EGFL8: variants seen among roughly 807,000 people sequenced by gnomAD.
EGFL8 encodes EGF like domain multiple 8, also known as epidermal growth factor-like protein 8.
EGFL8 carries 32 observed loss-of-function variants against 39.4 expected under a neutral mutation model. That is an observed-to-expected ratio of 0.81 (90% CI 0.61 to 1.09). EGFL8 has a LOEUF of 1.09. Ranked by LOEUF, EGFL8 falls within the 50% of genes least tolerant of loss-of-function variation. The probability of loss-of-function intolerance (pLI) is 0.00; values close to 1 mark genes in which losing one functional copy is unlikely to be tolerated. For missense variants in EGFL8, 385 were observed against 402.2 expected (o/e 0.96, Z 0.37); for synonymous variants, 177 against 168.5 (o/e 1.05, Z -0.39).
rs772497702 is a variant in EGFL8 at position 32,166,678 on chromosome 6, C to T, written c.225-23C>T. ...CCAACTAGGACCCGTACTCAGGGTC[C>T]TGAGCCGGGCGCTGTGTTCCAGGAC... is the stretch of plus-strand genomic sequence containing the variant. On this transcript the variant is annotated intron_variant, in intron 3 of 8. Coordinates refer to ENST00000333845, the MANE Select transcript of EGFL8 (RefSeq NM_030652.4). The surrounding 1 kb of genome is among the most constrained non-coding windows in gnomAD (Gnocchi z 7.3). 5 of 1,613,486 alleles carry T rather than the reference C, an allele frequency of 3.1e-6. No homozygotes were observed. The highest frequency in any genetic ancestry group is 4.2e-6 in the Non-Finnish European group (5 of 1,179,662).
In EGFL8 at chr6:32,167,253, G is replaced by A. The variant is rs1454320084; in HGVS notation, c.597G>A (p.Val199=). The A allele has an allele frequency of 6.2e-7, 1 of 1,611,956 alleles. No individual in the cohort carries two copies. The highest frequency in any genetic ancestry group is 1.7e-5 in the Admixed American group (1 of 59,982). The change falls in exon 6 of 9, where the codon GTG becomes GTA. Residue 199 remains valine, a synonymous_variant. Transcript: ENST00000333845. The surrounding 1 kb of genome is among the most constrained non-coding windows in gnomAD (Gnocchi z 6.4). ...CAACCAGTGCCAGCATACTCAGCGT[G>A]GCCGGTGAGTGGGCAGGAGTACGGG... The part of the protein sequence containing the change: ...EPPTSASILS[V]AVREAEKDER...
rs1353369366 is a variant in EGFL8 at position 32,167,056 on chromosome 6, C to G, written c.431-31C>G. The G allele has an allele frequency of 1.9e-6, 3 of 1,612,948 alleles. No homozygotes were observed. The highest frequency in any genetic ancestry group is 2.5e-6 in the Non-Finnish European group (3 of 1,180,022). Reference sequence around the variant, plus strand: ...ACCCAGGTGCTTGCCCCCGCCCCCTCTCTCAGCCCCTTCCTTTTTTCGGTA... The same window carrying G: ...ACCCAGGTGCTTGCCCCCGCCCCCTGTCTCAGCCCCTTCCTTTTTTCGGTA... On this transcript the variant is annotated intron_variant, in intron 5 of 8. Transcript: ENST00000333845. The surrounding 1 kb of genome is among the most constrained non-coding windows in gnomAD (Gnocchi z 6.4).
rs113746080 is a variant in EGFL8, at chr6:32,167,312, C to T, written c.602-38C>T. 6 of 1,612,736 alleles carry T rather than the reference C, an allele frequency of 3.7e-6. No individual in the cohort carries two copies. The highest frequency in any genetic ancestry group is 1.7e-5 in the Admixed American group (1 of 60,014). On this transcript the variant is annotated intron_variant, in intron 6 of 8. Transcript: ENST00000333845. The surrounding 1 kb of genome is among the most constrained non-coding windows in gnomAD (Gnocchi z 6.4). ...GGGACTCGGGACGGGCGTCCGGGCTCGGGTAGTGGTCACACTCTTGGTCTC... is the reference window on the plus strand; with the variant it reads ...GGGACTCGGGACGGGCGTCCGGGCTTGGGTAGTGGTCACACTCTTGGTCTC...
Position 32,166,357 on chromosome 6 carries a change from A to G in EGFL8, c.101+91A>G. ...TTCACAGGAGGCAAAACATAACTGTAAGTTTAGAATGGGGGTGAGAGGCTG... is the reference window on the plus strand; with the variant it reads ...TTCACAGGAGGCAAAACATAACTGTGAGTTTAGAATGGGGGTGAGAGGCTG... On this transcript the variant is annotated intron_variant, in intron 2 of 8. Transcript: ENST00000333845. This position sits in a 1 kb window ranked among gnomAD's most constrained non-coding sequence, Gnocchi z 7.3. 6.3e-6 allele frequency: 10 copies of G among 1,590,936 alleles called. No individual in the cohort carries two copies. The highest frequency in any genetic ancestry group is 8.6e-6 in the Non-Finnish European group (10 of 1,161,486).
In EGFL8 at chr6:32,164,770, G is replaced by A. The variant is rs1029046496; in HGVS notation, c.-29+113G>A. 2.4e-5 allele frequency: 16 copies of A among 657,256 alleles called. No individual in the cohort carries two copies. Among genetic ancestry groups the A allele is most frequent in the Non-Finnish European group, 4.2e-5 (15 of 353,322 alleles). 40.7% of individuals were successfully genotyped at this position (657,256 alleles called of 1,614,324 possible). A position where few individuals can be genotyped will look rare whatever the true frequency, so the allele number is the denominator to read the frequency against. ...ATGAGTTGCGGGGTGTTTTGTTGGA[G>A]CAAGGGATGTGCATTTAGGGCGTTA... On this transcript the variant is annotated intron_variant, in intron 1 of 8. Coordinates refer to ENST00000333845, the MANE Select transcript of EGFL8 (RefSeq NM_030652.4). This position sits in a 1 kb window ranked among gnomAD's most constrained non-coding sequence, Gnocchi z 5.4.
rs1424653013 is a variant in EGFL8 at position 32,164,646 on chromosome 6, G to T, written c.-40G>T. The T allele has an allele frequency of 2.8e-6, 2 of 718,652 alleles. No individual in the cohort carries two copies. Among genetic ancestry groups the T allele is most frequent in the African/African-American group, 3.5e-5 (2 of 57,430 alleles). The allele number at this position is 718,652 out of a possible 1,614,324, so 44.5% of individuals were successfully genotyped here. A position where few individuals can be genotyped will look rare whatever the true frequency, so the allele number is the denominator to read the frequency against. ...CTGGTCTGCTTGAAGCCTCCCAGGA[G>T]AAAGAAGCCAGGTGGGAATGGAGAG... On this transcript the variant is annotated 5_prime_UTR_variant, in exon 1 of 9. Transcript: ENST00000333845. The surrounding 1 kb of genome is among the most constrained non-coding windows in gnomAD (Gnocchi z 5.4).
Position 32,166,432 on chromosome 6 carries a change from G to A in EGFL8, c.102-66G>A, listed in dbSNP as rs1784487461. The stretch of plus-strand genomic sequence containing the variant: ...CTCAGTAGCCTCTTGAGGGAAGTGG[G>A]ACTCCTGGCTCCCCAGGGCCTGGCC... On this transcript the variant is annotated intron_variant, in intron 2 of 8. Transcript: ENST00000333845. The surrounding 1 kb of genome is among the most constrained non-coding windows in gnomAD (Gnocchi z 7.3). 1 of 1,611,068 alleles carries A rather than the reference G, an allele frequency of 6.2e-7. No individual in the cohort carries two copies.
Position 32,166,856 on chromosome 6 carries a change from G to A in EGFL8, c.334+46G>A, listed in dbSNP as rs368801471. ...CCTTGCGGGAGGCGCGCCCCACGGA[G>A]CTGGGGAGCTGGGTCGTCGGTTTGA... On this transcript the variant is annotated intron_variant, in intron 4 of 8. Transcript: ENST00000333845. The surrounding 1 kb of genome is among the most constrained non-coding windows in gnomAD (Gnocchi z 7.3). The A allele has an allele frequency of 6.3e-7, 1 of 1,583,812 alleles. No homozygotes were observed. The highest frequency in any genetic ancestry group is 8.6e-7 in the Non-Finnish European group (1 of 1,162,654).
Position 32,167,089 on chromosome 6 carries a change from G to T in EGFL8, c.433G>T (p.Val145Leu). Residue 145 changes from valine (V) to leucine (L), a missense_variant and splice_region_variant, in exon 6 of 9, where the codon GTG (valine) becomes TTG (leucine). By Grantham distance (32) the Val-to-Leu change is conservative. Coordinates refer to ENST00000333845, the MANE Select transcript of EGFL8 (RefSeq NM_030652.4). The surrounding 1 kb of genome is among the most constrained non-coding windows in gnomAD (Gnocchi z 6.4). The part of the protein sequence containing the change: ...GWGGKHCHVD[V>L]DECRTSITLC... ...CCCTTCCTTTTTTCGGTAACTAGAC[G>T]TGGATGAATGTAGGACCAGCATCAC... 1 of 1,613,050 alleles carries T rather than the reference G, an allele frequency of 6.2e-7. No homozygotes were observed. The highest frequency in any genetic ancestry group is 8.5e-7 in the Non-Finnish European group (1 of 1,180,026).
Position 32,167,352 on chromosome 6 carries a change from C to CG in EGFL8, c.607dup (p.Glu203GlyfsTer6). Reference sequence around the variant, plus strand: ...CTCTTGGTCTCCTTTGTCCCTAGTTCGGGAGGCGGAAAAAGATGAGCGCGC... The same window carrying CG: ...CTCTTGGTCTCCTTTGTCCCTAGTTCGGGGAGGCGGAAAAAGATGAGCGCGC... On this transcript the variant is annotated frameshift_variant, in exon 7 of 9. Coordinates refer to ENST00000333845, the MANE Select transcript of EGFL8 (RefSeq NM_030652.4). LOFTEE classifies it high-confidence loss of function. The surrounding 1 kb of genome is among the most constrained non-coding windows in gnomAD (Gnocchi z 6.4). 1 of 1,613,032 alleles carries CG rather than the reference C, an allele frequency of 6.2e-7. No individual in the cohort carries two copies. Among genetic ancestry groups the CG allele is most frequent in the East Asian group, 2.2e-5 (1 of 44,878 alleles).
chr6:32,167,489 C>G lies in EGFL8; in HGVS notation c.682-14C>G, dbSNP rs765021066. On this transcript the variant is annotated splice_polypyrimidine_tract_variant and intron_variant, in intron 7 of 8. Transcript: ENST00000333845. This position sits in a 1 kb window ranked among gnomAD's most constrained non-coding sequence, Gnocchi z 6.4. Reference sequence around the variant, plus strand: ...CGTCACTGTCAATACCCTGAGGCATCTCTTCCTTTCTAGTGGGCCGGTCAG... The same window carrying G: ...CGTCACTGTCAATACCCTGAGGCATGTCTTCCTTTCTAGTGGGCCGGTCAG... The G allele has an allele frequency of 1.2e-5, 20 of 1,609,226 alleles. No individual in the cohort carries two copies. Among genetic ancestry groups the G allele is most frequent in the Non-Finnish European group, 1.7e-5 (20 of 1,179,492 alleles).
In EGFL8 at chr6:32,167,846, A is replaced by T. The variant is rs1784682558; in HGVS notation, c.836-64A>T. ...CAACAGTTTCACTTATTGTTTGGTG[A>T]GAGTGGCAGTGTAGTCCACTCCAGG... On this transcript the variant is annotated intron_variant, in intron 8 of 8. Transcript: ENST00000333845. The surrounding 1 kb of genome is among the most constrained non-coding windows in gnomAD (Gnocchi z 6.4). The T allele has an allele frequency of 6.4e-7, 1 of 1,563,540 alleles. No individual in the cohort carries two copies. The highest frequency in any genetic ancestry group is 1.4e-5 in the African/African-American group (1 of 73,640).
rs752582396 is a variant in EGFL8, at chr6:32,167,491, C to A, written c.682-12C>A. 1 of 1,609,380 alleles carries A rather than the reference C, an allele frequency of 6.2e-7. No individual in the cohort carries two copies. Among genetic ancestry groups the A allele is most frequent in the Non-Finnish European group, 8.5e-7 (1 of 1,179,510 alleles). ...TCACTGTCAATACCCTGAGGCATCT[C>A]TTCCTTTCTAGTGGGCCGGTCAGGC... On this transcript the variant is annotated splice_polypyrimidine_tract_variant and intron_variant, in intron 7 of 8. Coordinates refer to ENST00000333845, the MANE Select transcript of EGFL8 (RefSeq NM_030652.4). This position sits in a 1 kb window ranked among gnomAD's most constrained non-coding sequence, Gnocchi z 6.4.
At position 32,164,753 on chromosome 6, in the gene EGFL8, C is replaced by T. The variant is rs1419033315; in HGVS notation, c.-29+96C>T. ...AGAGCCTTAGGGTGGGCATGAGTTG[C>T]GGGGTGTTTTGTTGGAGCAAGGGAT... On this transcript the variant is annotated intron_variant, in intron 1 of 8. Coordinates refer to ENST00000333845, the MANE Select transcript of EGFL8 (RefSeq NM_030652.4). The surrounding 1 kb of genome is among the most constrained non-coding windows in gnomAD (Gnocchi z 5.4). The T allele has an allele frequency of 6.0e-6, 4 of 671,068 alleles. No homozygotes were observed. The highest frequency in any genetic ancestry group is 2.7e-5 in the East Asian group (1 of 36,388). The allele number at this position is 671,068 out of a possible 1,614,324, so 41.6% of individuals were successfully genotyped here. A position where few individuals can be genotyped will look rare whatever the true frequency, so the allele number is the denominator to read the frequency against.
Position 32,166,609 on chromosome 6 carries a change from C to T in EGFL8, c.213C>T (p.Cys71=). The change falls in exon 3 of 9, where the codon TGC becomes TGT. Residue 71 remains cysteine, a synonymous_variant. Transcript: ENST00000333845. The surrounding 1 kb of genome is among the most constrained non-coding windows in gnomAD (Gnocchi z 7.3). ...CCTTGTGCGCTGGGAGGCGCATCTG[C>T]AGCACTTACAGGTGAGGGATGGGGA... ...YLTLCAGRRI[C]STYRTMYRVM... is the part of the protein sequence containing the mutation. 6.2e-7 allele frequency: 1 copy of T among 1,614,206 alleles called. No individual in the cohort carries two copies. Among genetic ancestry groups the T allele is most frequent in the Non-Finnish European group, 8.5e-7 (1 of 1,180,028 alleles).
rs1260515062 is a variant in EGFL8, at chr6:32,164,896, G to GT, written c.-29+247dup. ...ACGGTGTGAAGGTATATAGCTAGGG[G>GT]TTTTTTTTGTTTGTTTGTTTTGTTT... On this transcript the variant is annotated intron_variant, in intron 1 of 8. Transcript: ENST00000333845. This position sits in a 1 kb window ranked among gnomAD's most constrained non-coding sequence, Gnocchi z 5.4. Among the ~76,000 whole-genome samples, 1 of 151,388 alleles carries GT rather than the reference G, an allele frequency of 6.6e-6. No homozygotes were observed. Among genetic ancestry groups the GT allele is most frequent in the African/African-American group, 2.4e-5 (1 of 41,178 alleles).
Position 32,167,865 on chromosome 6 carries a change from C to T in EGFL8, c.836-45C>T. On this transcript the variant is annotated intron_variant, in intron 8 of 8. Coordinates refer to ENST00000333845, the MANE Select transcript of EGFL8 (RefSeq NM_030652.4). The surrounding 1 kb of genome is among the most constrained non-coding windows in gnomAD (Gnocchi z 6.4). ...TTGGTGAGAGTGGCAGTGTAGTCCACTCCAGGCTGACCACAGCCACTGTGT... is the reference window on the plus strand; with the variant it reads ...TTGGTGAGAGTGGCAGTGTAGTCCATTCCAGGCTGACCACAGCCACTGTGT... 1 of 1,604,932 alleles carries T rather than the reference C, an allele frequency of 6.2e-7. No individual in the cohort carries two copies. Among genetic ancestry groups the T allele is most frequent in the Non-Finnish European group, 8.5e-7 (1 of 1,171,768 alleles).
chr6:32,166,621 G>A lies in EGFL8; in HGVS notation c.224+1G>A. 7 of 1,614,198 alleles carry A rather than the reference G, an allele frequency of 4.3e-6. No individual in the cohort carries two copies. The highest frequency in any genetic ancestry group is 5.9e-6 in the Non-Finnish European group (7 of 1,180,032). ...GGAGGCGCATCTGCAGCACTTACAG[G>A]TGAGGGATGGGGAGATGGGACCCCA... is the stretch of plus-strand genomic sequence containing the variant. On this transcript the variant is annotated splice_donor_variant, in intron 3 of 8. Coordinates refer to ENST00000333845, the MANE Select transcript of EGFL8 (RefSeq NM_030652.4). LOFTEE classifies it high-confidence loss of function. This position sits in a 1 kb window ranked among gnomAD's most constrained non-coding sequence, Gnocchi z 7.3.
chr6:32,166,891 C>T lies in EGFL8; in HGVS notation c.335-19C>T. On this transcript the variant is annotated intron_variant, in intron 4 of 8. Transcript: ENST00000333845. This position sits in a 1 kb window ranked among gnomAD's most constrained non-coding sequence, Gnocchi z 7.3. ...TGGGTCGTCGGTTTGAGTCTGAACCCCACTTCCTCTGTCCTCAGCCATCTG... is the reference window on the plus strand; with the variant it reads ...TGGGTCGTCGGTTTGAGTCTGAACCTCACTTCCTCTGTCCTCAGCCATCTG... 1 of 1,601,930 alleles carries T rather than the reference C, an allele frequency of 6.2e-7. No individual in the cohort carries two copies. Among genetic ancestry groups the T allele is most frequent in the Non-Finnish European group, 8.5e-7 (1 of 1,172,562 alleles).
Sources: allele counts gnomAD v4.1 joint callset (sites outside exome capture counted in the v4.1 genomes callset), GRCh38; gene constraint gnomAD v4.1.1; non-coding constraint Gnocchi (gnomAD v3.1); transcripts MANE v1.5; gene names NCBI Gene and HGNC (gene_info 2026-07-23, HGNC 2026-07-21).